The following RECK variants were observed in gnomAD, a reference collection of about 807,000 sequenced individuals.
RECK encodes reversion inducing cysteine rich protein with kazal motifs.
A neutral mutation model predicts 115.1 loss-of-function variants in RECK; 69 were observed. The observed-to-expected ratio is 0.60, with a 90% CI of 0.49 to 0.73. The LOEUF is 0.73. Ranked by LOEUF, RECK falls within the 30% of genes least tolerant of loss-of-function variation. The pLI is 0.00. For synonymous variants in RECK, 414 were observed against 419.7 expected (o/e 0.99, Z 0.17); for missense variants, 1,047 against 1,203.7 (o/e 0.87, Z 1.93).
chr9:36,117,437 GA>G (rs891142702), intron 17 of RECK, among the ~76,000 whole-genome samples: 1 of 152,164 alleles, frequency 6.6e-6, no homozygotes, highest in Non-Finnish European at 1.5e-5. Context: ...CCTAGGAAAA[GA>G]ACTTAAAAGT....
chr9:36,049,097 C>T (rs1464680369), intron 1 of RECK, among the ~76,000 whole-genome samples: 1 of 152,132 alleles, frequency 6.6e-6, no homozygotes, highest in Non-Finnish European at 1.5e-5. Context: ...TAAAGAGCCT[C>T]ATAGGGTGAG....
intron 16 of RECK, among the ~76,000 whole-genome samples, chr9:36,113,482 T>C (rs1824142464): frequency 6.6e-6 from 1 of 152,208 alleles, no homozygotes; most frequent in Non-Finnish European, 1.5e-5. Flanking sequence ...ATACAGGTTG[T>C]GTTGGGAGGT....
chr9:36,045,361 G>C (rs1225544173), intron 1 of RECK, among the ~76,000 whole-genome samples: 1 of 151,986 alleles, frequency 6.6e-6, no homozygotes, highest in Non-Finnish European at 1.5e-5. Flanking sequence ...ATTAAAATTT[G>C]ATTAAAAATA....
intron 9 of RECK, among the ~76,000 whole-genome samples, chr9:36,089,998 A>ACACC (rs1823102984): frequency 6.7e-6 from 1 of 150,152 alleles, no homozygotes; most frequent in African/African-American, 2.5e-5. Context: ...ACACACACAC[A>ACACC]CACACAAATT....
At chr9:36,109,085 C>T (rs1396966244) in intron 14 of RECK, among the ~76,000 whole-genome samples, 1 of 151,984 alleles carries the variant, frequency 6.6e-6, no homozygotes, top group Non-Finnish European at 1.5e-5. Flanking sequence ...ATCTCTCAAT[C>T]CATATTCTGC....
At chr9:36,083,282 A>G (rs527377017) in intron 7 of RECK, 83 bp from the exon 8 acceptor site, 2 of 1,369,550 alleles carry the variant, frequency 1.5e-6, no homozygotes, top group East Asian at 2.3e-5. Context: ...TTAGAAAGAC[A>G]TATTGTTCCA....
chr9:36,106,887 G>A lies in RECK; in HGVS notation c.1577-1089G>A, dbSNP rs149427967. On this transcript the variant is annotated intron_variant, in intron 13 of 20. Transcript: ENST00000377966. ...TGGGAGGCTGAGACAGGCAGATCAC[G>A]AGGTCAGGAGATCAAGACCATCCTG... Among the ~76,000 whole-genome samples the A allele has an allele frequency of 6.9e-3, 1,040 of 151,664 alleles. 14 individuals carry two copies. Among genetic ancestry groups the A allele is most frequent in the African/African-American group, 0.022 (925 of 41,398 alleles).
chr9:36,072,880 A>C (rs989364130), intron 6 of RECK: 3 of 152,158 alleles, frequency 2.0e-5, no homozygotes, highest in African/African-American at 7.2e-5. Flanking sequence ...CATTCTTCTC[A>C]GAAGTCACCT....
intron 7 of RECK, among the ~76,000 whole-genome samples, chr9:36,080,914 G>A (rs754323754): frequency 2.0e-5 from 3 of 152,194 alleles, no homozygotes; most frequent in Non-Finnish European, 4.4e-5. Context: ...CTACGTCTCA[G>A]TTCATTCAAC....
chr9:36,058,565 G>A (rs1262508327), intron 2 of RECK, among the ~76,000 whole-genome samples: 2 of 146,968 alleles, frequency 1.4e-5, no homozygotes, highest in Admixed American at 6.8e-5. Flanking sequence ...TGACGAGTTA[G>A]TGGGTGCAGC....
At chr9:36,104,516 GC>G (rs1403593711) in intron 12 of RECK, among the ~76,000 whole-genome samples, 1 of 142,070 alleles carries the variant, frequency 7.0e-6, no homozygotes, top group Non-Finnish European at 1.5e-5. Flanking sequence ...TTGAGGGGGG[GC>G]TTTTTTTTTT....
In RECK at chr9:36,121,707, G is replaced by A. The variant is rs541842334; in HGVS notation, c.2694+19G>A. ...TCTGCAGGTGAGTTCAGCACATGTT[G>A]TGAAGCCATCTTGTCACTTTCAAGT... On this transcript the variant is annotated intron_variant, in intron 20 of 20. Coordinates refer to ENST00000377966, the MANE Select transcript of RECK (RefSeq NM_021111.3). 26 of 1,610,522 alleles carry A rather than the reference G, an allele frequency of 1.6e-5. No homozygotes were observed. The South Asian group carries it at 2.8e-4, about 17-fold the overall frequency.
At chr9:36,039,011 A>G (rs1021129716) in intron 1 of RECK, among the ~76,000 whole-genome samples, 1 of 152,234 alleles carries the variant, frequency 6.6e-6, no homozygotes, top group Non-Finnish European at 1.5e-5. Flanking sequence ...GTAGCTCAAT[A>G]AAGTTGTTAA....
chr9:36,120,025 G>A (rs1824398501), intron 18 of RECK, among the ~76,000 whole-genome samples: 1 of 152,094 alleles, frequency 6.6e-6, no homozygotes, highest in African/African-American at 2.4e-5. Flanking sequence ...ACGAGATCAG[G>A]AGATCGAAAC....
intron 2 of RECK, among the ~76,000 whole-genome samples, chr9:36,057,351 C>G (rs1394731884): frequency 6.6e-6 from 1 of 152,152 alleles, no homozygotes; most frequent in Admixed American, 6.5e-5. Context: ...CTCTCGCTCT[C>G]TAACCCCCAG....
At chr9:36,089,967 T>TACACACACACACACACAC (rs55678229) in intron 9 of RECK, among the ~76,000 whole-genome samples, 2 of 143,798 alleles carry the variant, frequency 1.4e-5, no homozygotes, top group African/African-American at 5.2e-5. Flanking sequence ...CTACTAAAAA[T>TACACACACACACACACAC]ACACACACAC....
At chr9:36,071,054 C>T (rs1384767937) in intron 6 of RECK, among the ~76,000 whole-genome samples, 1 of 152,044 alleles carries the variant, frequency 6.6e-6, no homozygotes, top group African/African-American at 2.4e-5. Context: ...GCTGTAGTTA[C>T]ATAGGCACCA....
chr9:36,121,406 G>A lies in RECK; in HGVS notation c.2539-127G>A, dbSNP rs549522670. The A allele has an allele frequency of 1.1e-4, 86 of 809,036 alleles. No individual in the cohort carries two copies. The African/African-American group carries it at 1.3e-3, about 13-fold the overall frequency. The allele number at this position is 809,036 out of a possible 1,614,324, so 50.1% of individuals were successfully genotyped here. A position where few individuals can be genotyped will look rare whatever the true frequency, so the allele number is the denominator to read the frequency against. Reference sequence around the variant, plus strand: ...TCAGAATTTGGCCTAGCAAAGCTGCGGTTGGGCCTTCCGCTGAGGGCTGTG... The same window carrying A: ...TCAGAATTTGGCCTAGCAAAGCTGCAGTTGGGCCTTCCGCTGAGGGCTGTG... On this transcript the variant is annotated intron_variant, in intron 19 of 20. Coordinates refer to ENST00000377966, the MANE Select transcript of RECK (RefSeq NM_021111.3).
Position 36,058,827 on chromosome 9 carries a change from A to ATTTT in RECK, c.161_164dup (p.Ser56PhefsTer6). On this transcript the variant is annotated frameshift_variant and splice_region_variant, in exon 3 of 21. Transcript: ENST00000377966. LOFTEE classifies it high-confidence loss of function. ...AAACTTTTTTTTTTTTGTCAAATAG[A>ATTTT]TTTTCTCCTCAAAAAGTGAATCCCG... 1 of 1,580,680 alleles carries ATTTT rather than the reference A, an allele frequency of 6.3e-7. No individual in the cohort carries two copies. Among genetic ancestry groups the ATTTT allele is most frequent in the Non-Finnish European group, 8.6e-7 (1 of 1,164,518 alleles).
Sources: gnomAD v4.1 joint callset for allele counts (sites outside exome capture counted in the v4.1 genomes callset) on GRCh38, gnomAD v4.1.1 for gene constraint, MANE v1.5 for transcripts, NCBI Gene and HGNC (gene_info 2026-07-23, HGNC 2026-07-21) for gene names.